Variants in KDM5B observed in about 807,000 individuals in gnomAD.
KDM5B encodes the protein lysine demethylase 5B, also known as lysine-specific demethylase 5B.
A neutral mutation model predicts 193.4 loss-of-function variants in KDM5B; 144 were observed. The observed-to-expected ratio is 0.74, with a 90% CI of 0.65 to 0.86. The LOEUF is 0.86. Among genes scored for constraint, KDM5B ranks in the 40% least tolerant of loss-of-function variants. The probability of loss-of-function intolerance (pLI) is 0.00; values close to 1 mark genes in which losing one functional copy is unlikely to be tolerated. For synonymous variants in KDM5B, 668 were observed against 682.6 expected, an observed-to-expected ratio of 0.98 and a Z score of 0.33; for missense variants, 1,833 against 1,886.9, an observed-to-expected ratio of 0.97 and a Z score of 0.53.
intron 1 of KDM5B, among the ~76,000 whole-genome samples, chr1:202,804,865 CAAA>C (rs35989953): frequency 7.6e-5 from 6 of 78,890 alleles, no homozygotes; most frequent in Admixed American, 1.3e-4. Context: ...AATTCCGTCT[CAAA>C]AAAAAAAAAA....
At chr1:202,751,088 C>T (rs1572724924) in intron 12 of KDM5B, among the ~76,000 whole-genome samples, 1 of 151,958 alleles carries the variant, frequency 6.6e-6, no homozygotes, top group African/African-American at 2.4e-5. Context: ...ATTATTATTA[C>T]CCCTCAAGTA....
intron 1 of KDM5B, among the ~76,000 whole-genome samples, chr1:202,795,277 T>C (rs2102337342): frequency 6.6e-6 from 1 of 151,910 alleles, no homozygotes; most frequent in African/African-American, 2.4e-5. Context: ...TCTCTCAAAA[T>C]ATCTTATTGT....
Position 202,726,238 on chromosome 1 carries a change from GT to G in KDM5B, c.*2797del, listed in dbSNP as rs966758920. On this transcript the variant is annotated 3_prime_UTR_variant, in exon 27 of 27. Coordinates refer to ENST00000367265, the MANE Select transcript of KDM5B (RefSeq NM_006618.5). ...TGGAGAATGAAGCAGGGAAATTCAG[GT>G]TTTTAACAACCTCCATCACCACAAG... The G allele has an allele frequency of 6.6e-6, 1 of 152,132 alleles. No individual in the cohort carries two copies. The highest frequency in any genetic ancestry group is 2.4e-5 in the African/African-American group (1 of 41,436). The allele number at this position is 152,132 out of a possible 1,614,324, so 9.4% of individuals were successfully genotyped here. A position where few individuals can be genotyped will look rare whatever the true frequency, so the allele number is the denominator to read the frequency against.
At chr1:202,808,051 C>T in intron 1 of KDM5B, 51 bp downstream of exon 1, 3 of 1,586,362 alleles carry the variant, frequency 1.9e-6, no homozygotes, top group Non-Finnish European at 1.7e-6. Flanking sequence ...CCGCGCGTCC[C>T]CGCTCCCTCC....
rs571613018 is a variant in KDM5B, at chr1:202,726,102, C to T, written c.*2934G>A. The stretch of plus-strand genomic sequence containing the variant: ...ACTCTATTCTTAGGCTAATCTTGCA[C>T]TAATACCCAAAGGGCCATGTTGCTT... On this transcript the variant is annotated 3_prime_UTR_variant, in exon 27 of 27. Coordinates refer to ENST00000367265, the MANE Select transcript of KDM5B (RefSeq NM_006618.5). 1 of 152,360 alleles carries T rather than the reference C, an allele frequency of 6.6e-6. No individual in the cohort carries two copies. Among genetic ancestry groups the T allele is most frequent in the African/African-American group, 2.4e-5 (1 of 41,582 alleles). The allele number at this position is 152,360 out of a possible 1,614,324, so 9.4% of individuals were successfully genotyped here.
intron 2 of KDM5B, among the ~76,000 whole-genome samples, chr1:202,775,856 CAA>C (rs35222749): frequency 0.091 from 1,926 of 21,200 alleles, 15 homozygotes; most frequent in African/African-American, 0.12. Flanking sequence ...ACTCTTGTCT[CAA>C]AAAAAAAAAA....
intron 1 of KDM5B, among the ~76,000 whole-genome samples, chr1:202,798,287 G>A (rs546729474): frequency 4.2e-4 from 63 of 148,888 alleles, no homozygotes; most frequent in Admixed American, 2.2e-3. Flanking sequence ...TTTTTTGTTC[G>A]ATTGGTTTTT....
At position 202,727,059 on chromosome 1, in the gene KDM5B, TG is replaced by T. The variant is rs1654698153; in HGVS notation, c.*1976del. 1 of 151,052 alleles carries T rather than the reference TG, an allele frequency of 6.6e-6. No homozygotes were observed. Among genetic ancestry groups the T allele is most frequent in the South Asian group, 2.1e-4 (1 of 4,782 alleles). 9.4% of individuals were successfully genotyped at this position (151,052 alleles called of 1,614,324 possible). A position where few individuals can be genotyped will look rare whatever the true frequency, so the allele number is the denominator to read the frequency against. On this transcript the variant is annotated 3_prime_UTR_variant, in exon 27 of 27. Coordinates refer to ENST00000367265, the MANE Select transcript of KDM5B (RefSeq NM_006618.5). ...CCTCAAAGATGCTATTGTCAGGGACTGTGTACCACCACCCACAGGTGAAGAA... is the reference window on the plus strand; with the variant it reads ...CCTCAAAGATGCTATTGTCAGGGACTTGTACCACCACCCACAGGTGAAGAA...
chr1:202,803,153 TA>T (rs981632071), intron 1 of KDM5B, among the ~76,000 whole-genome samples: 9 of 147,556 alleles, frequency 6.1e-5, no homozygotes, highest in East Asian at 2.0e-4. Context: ...AGAGTGAGAT[TA>T]AAAAAAAAAG....
chr1:202,754,927 C>T (rs1465986968), intron 11 of KDM5B, among the ~76,000 whole-genome samples: 5 of 152,168 alleles, frequency 3.3e-5, no homozygotes, highest in African/African-American at 1.2e-4. Context: ...TCAGGTGATC[C>T]GCCCATCTTG....
intron 4 of KDM5B, among the ~76,000 whole-genome samples, chr1:202,767,997 T>C (rs1656546643): frequency 6.6e-6 from 1 of 152,214 alleles, no homozygotes; most frequent in Non-Finnish European, 1.5e-5. Flanking sequence ...CTAGCAAAGT[T>C]ATCATCCAAA....
chr1:202,767,445 G>A (rs1558502004), intron 4 of KDM5B: 1 of 1,273,326 alleles, frequency 7.9e-7, no homozygotes, highest in Non-Finnish European at 1.1e-6. Flanking sequence ...CTCTGCGAAA[G>A]GTGCAGAGAC....
chr1:202,775,564 A>T (rs1656907962), intron 2 of KDM5B, among the ~76,000 whole-genome samples: 1 of 149,038 alleles, frequency 6.7e-6, no homozygotes, highest in Non-Finnish European at 1.5e-5. Context: ...AAAAAATAAT[A>T]ATTATACATG....
rs755468421 is a variant in KDM5B, at chr1:202,731,927, G to C, written c.3922C>G (p.Pro1308Ala). The change falls in exon 24 of 27, where the codon CCT (proline) becomes GCT (alanine). Residue 1308 changes from proline (P) to alanine (A), a missense_variant. Transcript: ENST00000367265. ...GGCAAAGAAAATGATGTTGTGCCAG[G>C]AGGTTGAGATACCTAATGGAGGGAA... is the stretch of plus-strand genomic sequence containing the variant. ...VSDTNKVSQP[P>A]GTTSFSLPDD... 6.2e-7 allele frequency: 1 copy of C among 1,611,520 alleles called. No homozygotes were observed. Among genetic ancestry groups the C allele is most frequent in the Admixed American group, 1.7e-5 (1 of 59,754 alleles).
chr1:202,756,296 T>C, intron 10 of KDM5B, 62 bp downstream of exon 10: 2 of 1,405,258 alleles, frequency 1.4e-6, no homozygotes. Flanking sequence ...CATAAGTTAC[T>C]TCAAGCCAAC....
intron 9 of KDM5B, among the ~76,000 whole-genome samples, chr1:202,756,997 G>GT (rs1369837699): frequency 6.6e-6 from 1 of 152,154 alleles, no homozygotes; most frequent in Non-Finnish European, 1.5e-5. Flanking sequence ...GTATATAGCA[G>GT]TGGTCGCCAG....
At chr1:202,806,460 G>C (rs570536509) in intron 1 of KDM5B, 1 of 152,308 alleles carries the variant, frequency 6.6e-6, no homozygotes, top group East Asian at 1.9e-4. Context: ...ACTTCTGCAG[G>C]CCTCTTTGCA....
At chr1:202,776,631 G>A (rs1325172688) in intron 2 of KDM5B, among the ~76,000 whole-genome samples, 2 of 152,022 alleles carry the variant, frequency 1.3e-5, no homozygotes, top group Admixed American at 6.6e-5. Flanking sequence ...GCACAACCAT[G>A]GCTCACTACA....
rs544597410 is a variant in KDM5B at position 202,762,598 on chromosome 1, A to G, written c.918+101T>C. Reference sequence around the variant, plus strand: ...ACACTAAGTTAAACAATCTTATTTAAGGTACAAATTTAAGTTTAAACTTGG... The same window carrying G: ...ACACTAAGTTAAACAATCTTATTTAGGGTACAAATTTAAGTTTAAACTTGG... On this transcript the variant is annotated intron_variant, in intron 7 of 26. Coordinates refer to ENST00000367265, the MANE Select transcript of KDM5B (RefSeq NM_006618.5). The G allele has an allele frequency of 4.3e-5, 31 of 715,696 alleles. No homozygotes were observed. In the South Asian group the frequency reaches 5.0e-4, roughly 11 times the overall value. The allele number at this position is 715,696 out of a possible 1,614,324, so 44.3% of individuals were successfully genotyped here. A position where few individuals can be genotyped will look rare whatever the true frequency, so the allele number is the denominator to read the frequency against.
Sources: gnomAD v4.1 joint callset for allele counts (sites outside exome capture counted in the v4.1 genomes callset) on GRCh38, gnomAD v4.1.1 for gene constraint, MANE v1.5 for transcripts, NCBI Gene and HGNC (gene_info 2026-07-23, HGNC 2026-07-21) for gene names.